Variants in PRKCE observed in about 807,000 individuals in gnomAD.
PRKCE encodes protein kinase C epsilon.
PRKCE carries 16 observed loss-of-function variants against 85.4 expected under a neutral mutation model. The ratio of observed to expected loss-of-function variants is 0.19; its 90% CI spans 0.13 to 0.28. PRKCE has a LOEUF of 0.28. Among genes scored for constraint, PRKCE ranks in the 10% least tolerant of loss-of-function variants. The pLI is 1.00. For missense variants in PRKCE, 573 were observed against 975.2 expected (o/e 0.59, Z 5.49); for synonymous variants, 388 against 371.5 (o/e 1.04, Z -0.51).
intron 14 of PRKCE, among the ~76,000 whole-genome samples, chr2:46,166,091 C>A (rs1678311784): frequency 6.6e-6 from 1 of 152,194 alleles, no homozygotes; most frequent in South Asian, 2.1e-4. Context: ...ATGGCGGGAC[C>A]CCCGAGGGAG....
rs150299087 is a variant in PRKCE, at chr2:46,080,275, A to G, written c.1438-5933A>G. On this transcript the variant is annotated intron_variant, in intron 10 of 14. Transcript: ENST00000306156. ...GATTTGGAGGTCAGAAACAATGCAG[A>G]CTCAGTAGAGTGAGGGGAAATGAAA... 7.4e-4 allele frequency among the ~76,000 whole-genome samples: 112 copies of G among 152,312 alleles called. No homozygotes were observed. In the East Asian group the frequency reaches 0.019, roughly 25 times the overall value.
At chr2:45,682,904 G>A (rs1425908307) in intron 1 of PRKCE, among the ~76,000 whole-genome samples, 2 of 152,144 alleles carry the variant, frequency 1.3e-5, no homozygotes, top group African/African-American at 4.8e-5. Flanking sequence ...GGTAAATTGA[G>A]GTGTTCCTGG....
chr2:46,096,197 T>A (rs988090587), intron 11 of PRKCE, among the ~76,000 whole-genome samples: 1 of 152,260 alleles, frequency 6.6e-6, no homozygotes, highest in Non-Finnish European at 1.5e-5. Flanking sequence ...ATAATTAAAC[T>A]GTTTGAAATG....
chr2:45,875,704 G>T (rs1287510764), intron 2 of PRKCE, among the ~76,000 whole-genome samples: 1 of 152,178 alleles, frequency 6.6e-6, no homozygotes. Flanking sequence ...GCTTTGTTGG[G>T]GTGGTGAGCT....
At chr2:45,900,642 G>A (rs1696506376) in intron 2 of PRKCE, among the ~76,000 whole-genome samples, 1 of 152,194 alleles carries the variant, frequency 6.6e-6, no homozygotes, top group Non-Finnish European at 1.5e-5. Flanking sequence ...ATTGTTCAAT[G>A]GTAGAGATTT....
intron 11 of PRKCE, among the ~76,000 whole-genome samples, chr2:46,119,184 A>G (rs1673070552): frequency 6.6e-6 from 1 of 151,850 alleles, no homozygotes; most frequent in African/African-American, 2.4e-5. Flanking sequence ...TATGTAATGG[A>G]AAAAAAACAA....
At chr2:45,937,483 C>T (rs546678664) in intron 2 of PRKCE, among the ~76,000 whole-genome samples, 11 of 152,258 alleles carry the variant, frequency 7.2e-5, no homozygotes, top group East Asian at 3.9e-4. Flanking sequence ...GAGGCTCAGG[C>T]GCGCGGATCA....
intron 1 of PRKCE, among the ~76,000 whole-genome samples, chr2:45,717,084 C>T (rs535656732): frequency 6.6e-6 from 1 of 152,284 alleles, no homozygotes; most frequent in South Asian, 2.1e-4. Flanking sequence ...CAAACCATGT[C>T]ACATGGTGAT....
rs577928950 is a variant in PRKCE, at chr2:46,177,658, T to A, written c.2068-7077T>A. Among the ~76,000 whole-genome samples the A allele has an allele frequency of 2.0e-5, 3 of 152,320 alleles. No homozygotes were observed. In the East Asian group the frequency reaches 5.8e-4, roughly 29 times the overall value. The stretch of plus-strand genomic sequence containing the variant: ...ATGACCTCATCTTCGTTTGATTACG[T>A]CTGCAAAGAACTTATTTCCAAATAA... On this transcript the variant is annotated intron_variant, in intron 14 of 14. Coordinates refer to ENST00000306156, the MANE Select transcript of PRKCE (RefSeq NM_005400.3).
rs3068989 is a variant in PRKCE at position 45,672,064 on chromosome 2, C to CAA, written c.348+19635_348+19636dup. Among the ~76,000 whole-genome samples, 91 of 95,290 alleles carry CAA rather than the reference C, an allele frequency of 9.5e-4. 1 individual carries two copies. The highest frequency in any genetic ancestry group is 2.9e-3 in the African/African-American group (72 of 25,124). The allele number at this position is 95,290 out of a possible 152,430, so 62.5% of individuals were successfully genotyped here. ...GGTGGCAGAGTGAGACCCCCTGTCT[C>CAA]AAAAAAAAAAAAAAAAAAAAGAGGA... is the stretch of plus-strand genomic sequence containing the variant. On this transcript the variant is annotated intron_variant, in intron 1 of 14. Transcript: ENST00000306156.
At chr2:45,733,747 G>A (rs1459510794) in intron 1 of PRKCE, among the ~76,000 whole-genome samples, 2 of 152,146 alleles carry the variant, frequency 1.3e-5, no homozygotes, top group East Asian at 1.9e-4. Context: ...CCCCAAAGTC[G>A]TGTAGTAGGA....
At chr2:46,094,560 A>T (rs1670494411) in intron 11 of PRKCE, among the ~76,000 whole-genome samples, 1 of 149,778 alleles carries the variant, frequency 6.7e-6, no homozygotes, top group Non-Finnish European at 1.5e-5. Context: ...TCTCACCTAC[A>T]AGTGGGAGCT....
intron 2 of PRKCE, among the ~76,000 whole-genome samples, chr2:45,892,595 A>G (rs1371684744): frequency 6.6e-6 from 1 of 152,102 alleles, no homozygotes; most frequent in African/African-American, 2.4e-5. Context: ...GACCAAATGG[A>G]GTTGCCTTGG....
intron 1 of PRKCE, among the ~76,000 whole-genome samples, chr2:45,728,957 T>G (rs551781798): frequency 6.6e-6 from 1 of 152,202 alleles, no homozygotes; most frequent in Non-Finnish European, 1.5e-5. Context: ...TGGTAGGCTG[T>G]GCTGCACTGT....
chr2:45,707,870 A>G (rs1450448348), intron 1 of PRKCE, among the ~76,000 whole-genome samples: 1 of 152,242 alleles, frequency 6.6e-6, no homozygotes, highest in African/African-American at 2.4e-5. Context: ...CTGCCAAGCC[A>G]GGAATCAGAC....
intron 6 of PRKCE, among the ~76,000 whole-genome samples, chr2:45,989,121 C>A (rs1411217143): frequency 1.3e-5 from 2 of 152,326 alleles, no homozygotes; most frequent in East Asian, 1.9e-4. Flanking sequence ...TGCAGTTGGG[C>A]CTGCGGGGGC....
At chr2:45,845,777 A>G (rs1424513142) in intron 2 of PRKCE, 2 of 152,184 alleles carry the variant, frequency 1.3e-5, no homozygotes, top group African/African-American at 2.4e-5. Flanking sequence ...GCAGTTCACT[A>G]TAGTGGAATC....
At chr2:45,798,787 T>A (rs962445231) in intron 1 of PRKCE, among the ~76,000 whole-genome samples, 6 of 151,906 alleles carry the variant, frequency 3.9e-5, no homozygotes, top group African/African-American at 1.4e-4. Flanking sequence ...TTTACCTGTT[T>A]TCAGTGTTTT....
At chr2:46,059,218 G>T (rs1017816586) in intron 10 of PRKCE, among the ~76,000 whole-genome samples, 17 of 124,616 alleles carry the variant, frequency 1.4e-4, no homozygotes, top group African/African-American at 6.7e-4. Context: ...AGCCCAGGAG[G>T]TTAAGGCTAC....
Sources: gnomAD v4.1 joint callset for allele counts (sites outside exome capture counted in the v4.1 genomes callset) on GRCh38, gnomAD v4.1.1 for gene constraint, MANE v1.5 for transcripts, NCBI Gene and HGNC (gene_info 2026-07-23, HGNC 2026-07-21) for gene names.